The following TH variants were observed in gnomAD, a reference collection of about 807,000 sequenced individuals.
TH encodes tyrosine 3-monooxygenase.
Under a neutral mutation model 57.4 loss-of-function variants are expected in TH, and 49 were observed. The ratio of observed to expected loss-of-function variants is 0.85; its 90% confidence interval spans 0.68 to 1.08. The LOEUF (loss-of-function observed/expected upper bound fraction) is 1.08. TH is among the 50% of genes least tolerant of loss of function. The probability of loss-of-function intolerance (pLI) is 0.00; values close to 1 mark genes in which losing one functional copy is unlikely to be tolerated. For synonymous variants in TH, 330 were observed against 304.5 expected, an observed-to-expected ratio of 1.08 and a Z score of -0.87; for missense variants, 720 against 696.7, an observed-to-expected ratio of 1.03 and a Z score of -0.38.
rs1297590322 is a variant in TH, at chr11:2,164,016, G to C, written c.*217C>G. The C allele has an allele frequency of 2.5e-6, 1 of 408,150 alleles. No homozygotes were observed. The highest frequency in any genetic ancestry group is 3.6e-5 in the East Asian group (1 of 27,780). The allele number at this position is 408,150 out of a possible 1,614,324, so 25.3% of individuals were successfully genotyped here. ...CGGAGGGCAGTGCAGCAGCCCCCAG[G>C]ACCCTGGGAGCCAGGACAGGACCTC... On this transcript the variant is annotated 3_prime_UTR_variant, in exon 13 of 13. Coordinates refer to ENST00000352909, the MANE Select transcript of TH (RefSeq NM_000360.4).
Position 2,170,057 on chromosome 11 carries a change from G to T in TH, c.91-186C>A, listed in dbSNP as rs900396584. On this transcript the variant is annotated intron_variant, in intron 1 of 12. Transcript: ENST00000352909. The surrounding 1 kb of genome is among the most constrained non-coding windows in gnomAD (Gnocchi z 6.0). ...GCCGAGGTGCCTGCGGGCATTGCAC[G>T]CCCTTCCCGATGGGGGCAGCCCAGT... Among the ~76,000 whole-genome samples the T allele has an allele frequency of 1.1e-4, 16 of 152,202 alleles. No individual in the cohort carries two copies. Among genetic ancestry groups the T allele is most frequent in the African/African-American group, 3.9e-4 (16 of 41,456 alleles).
chr11:2,164,880 G>C (rs1846042857), intron 12 of TH, among the ~76,000 whole-genome samples: 1 of 152,022 alleles, frequency 6.6e-6, no homozygotes, highest in African/African-American at 2.4e-5. Flanking sequence ...CTCCCGCCCT[G>C]TCCCCCACCT....
Position 2,166,714 on chromosome 11 carries a change from A to C in TH, c.896T>G (p.Phe299Cys). ...PVAGLLSARD[F>C]LASLAFRVFQ... is the part of the protein sequence containing the mutation. ...CACGCGGAAGGCCAGGCTGGCCAGG[A>C]AGTCCCGGGCGGACAGCAGGCCGGC... The change falls in exon 8 of 13, where the codon TTC becomes TGC. Residue 299 changes from phenylalanine (F) to cysteine (C), a missense_variant. Physicochemically the swap from Phe to Cys is radical, Grantham distance 205. Transcript: ENST00000352909. 6.4e-7 allele frequency: 1 copy of C among 1,552,418 alleles called. No homozygotes were observed. Among genetic ancestry groups the C allele is most frequent in the Non-Finnish European group, 8.7e-7 (1 of 1,148,114 alleles).
Position 2,170,744 on chromosome 11 carries a change from G to T in TH, c.91-873C>A, listed in dbSNP as rs771992434. 1.9e-6 allele frequency: 3 copies of T among 1,597,966 alleles called. No homozygotes were observed. Among genetic ancestry groups the T allele is most frequent in the East Asian group, 4.5e-5 (2 of 44,386 alleles). Reference sequence around the variant, plus strand: ...GGGCTGCAGTTCCAGGCCACGGAGAGCCTGTGAGGCTGGGCCCCGGGGCGC... The same window carrying T: ...GGGCTGCAGTTCCAGGCCACGGAGATCCTGTGAGGCTGGGCCCCGGGGCGC... On this transcript the variant is annotated intron_variant, in intron 1 of 12. Coordinates refer to ENST00000352909, the MANE Select transcript of TH (RefSeq NM_000360.4). The surrounding 1 kb of genome is among the most constrained non-coding windows in gnomAD (Gnocchi z 6.0).
rs1024043441 is a variant in TH, at chr11:2,168,785, T to C, written c.313-120A>G. 10 of 1,223,900 alleles carry C rather than the reference T, an allele frequency of 8.2e-6. No homozygotes were observed. The African/African-American group carries it at 1.2e-4, about 15-fold the overall frequency. 75.8% of individuals were successfully genotyped at this position (1,223,900 alleles called of 1,614,324 possible). A position where few individuals can be genotyped will look rare whatever the true frequency, so the allele number is the denominator to read the frequency against. On this transcript the variant is annotated intron_variant, in intron 2 of 12. Coordinates refer to ENST00000352909, the MANE Select transcript of TH (RefSeq NM_000360.4). ...GCTGGCCAGGCCCTGCCCTTGACTTTTGTGCTAGCAGCACACAGATCCCGT... is the reference window on the plus strand; with the variant it reads ...GCTGGCCAGGCCCTGCCCTTGACTTCTGTGCTAGCAGCACACAGATCCCGT...
At position 2,166,737 on chromosome 11, in the gene TH, G is replaced by A. The variant is rs1176834491; in HGVS notation, c.873C>T (p.Ala291=). The part of the protein sequence containing the change: ...ERTGFQLRPV[A]GLLSARDFLA... ...GGAAGTCCCGGGCGGACAGCAGGCCGGCCACAGGCCGCAGCTGGAAGCCCG... is the reference window on the plus strand; with the variant it reads ...GGAAGTCCCGGGCGGACAGCAGGCCAGCCACAGGCCGCAGCTGGAAGCCCG... The change falls in exon 8 of 13, where the codon GCC becomes GCT. Residue 291 remains alanine (A), a synonymous_variant. Coordinates refer to ENST00000352909, the MANE Select transcript of TH (RefSeq NM_000360.4). 31 of 1,549,792 alleles carry A rather than the reference G, an allele frequency of 2.0e-5. No homozygotes were observed. Among genetic ancestry groups the A allele is most frequent in the Non-Finnish European group, 2.4e-5 (28 of 1,146,820 alleles).
At position 2,167,434 on chromosome 11, in the gene TH, C is replaced by A; in HGVS notation, c.695+1G>T. 6.4e-7 allele frequency: 1 copy of A among 1,561,290 alleles called. No homozygotes were observed. The highest frequency in any genetic ancestry group is 1.9e-5 in the Admixed American group (1 of 52,370). On this transcript the variant is annotated splice_donor_variant, in intron 6 of 12. Coordinates refer to ENST00000352909, the MANE Select transcript of TH (RefSeq NM_000360.4). LOFTEE classifies it high-confidence loss of function. ...AGCCCCTAGCTGCACGGAGGTCTCA[C>A]CAGGTGGCAATCTCCTCGGCGGTGT... is the stretch of plus-strand genomic sequence containing the variant.
chr11:2,164,471 G>T (rs565816803), intron 12 of TH, 79 bp from the exon 13 acceptor site: 8 of 1,499,868 alleles, frequency 5.3e-6, no homozygotes, highest in African/African-American at 1.4e-5. Context: ...GCCAGGGGCC[G>T]CGTTTCCACC....
chr11:2,167,154 TGAAGACCCAGGCCCCC>T (rs2133694175), intron 6 of TH, 122 bp from the exon 7 acceptor site: 1 of 1,425,650 alleles, frequency 7.0e-7, no homozygotes, highest in East Asian at 2.5e-5. Flanking sequence ...TGGGGACCCC[TGAAGACCCAGGCCCCC>T]GGGAGGGGCT....
Position 2,164,404 on chromosome 11 carries a change from A to G in TH, c.1335-12T>C. The stretch of plus-strand genomic sequence containing the variant: ...GTGAGGCATAGCTCCTGGGGAGGAG[A>G]GCGGCAGAGCCCTCGTCAACTGGCG... On this transcript the variant is annotated splice_polypyrimidine_tract_variant and intron_variant, in intron 12 of 12. Transcript: ENST00000352909. 6.5e-7 allele frequency: 1 copy of G among 1,539,740 alleles called. No homozygotes were observed. Among genetic ancestry groups the G allele is most frequent in the East Asian group, 2.4e-5 (1 of 41,478 alleles).
rs1467907646 is a variant in TH at position 2,171,699 on chromosome 11, T to C, written c.88A>G (p.Met30Val). ...ELDAKQAEAI[M>V]SPRFIGRRQS... ...CGGGCACCTACCTGCCCTCTTACCA[T>C]GATGGCCTCTGCCTGCTTGGCGTCC... Residue 30 changes from methionine (M) to valine (V), a missense_variant and splice_region_variant, in exon 1 of 13, where the codon ATG (methionine) becomes GTG (valine). Coordinates refer to ENST00000352909, the MANE Select transcript of TH (RefSeq NM_000360.4). This position sits in a 1 kb window ranked among gnomAD's most constrained non-coding sequence, Gnocchi z 8.6. 1.2e-6 allele frequency: 2 copies of C among 1,612,028 alleles called. No individual in the cohort carries two copies. The highest frequency in any genetic ancestry group is 8.5e-7 in the Non-Finnish European group (1 of 1,179,790).
rs774809996 is a variant in TH at position 2,168,511 on chromosome 11, C to T, written c.467G>A (p.Arg156His). The change falls in exon 3 of 13, where the codon CGC becomes CAC. Residue 156 changes from arginine to histidine, a missense_variant. By Grantham distance (29) the Arg-to-His change is conservative. Coordinates refer to ENST00000352909, the MANE Select transcript of TH (RefSeq NM_000360.4). ...SGVRQVSEDV[R>H]SPAGPKVPWF... Reference sequence around the variant, plus strand: ...CTCACCCTTGGGCCCCGCGGGGCTGCGCACGTCCTCTGACACCTGGCGCAC... The same window carrying T: ...CTCACCCTTGGGCCCCGCGGGGCTGTGCACGTCCTCTGACACCTGGCGCAC... 6.2e-6 allele frequency: 10 copies of T among 1,612,198 alleles called. No homozygotes were observed. Among genetic ancestry groups the T allele is most frequent in the South Asian group, 2.2e-5 (2 of 91,074 alleles).
At chr11:2,169,513 G>A in intron 2 of TH, 137 bp downstream of exon 2, 1 of 814,764 alleles carries the variant, frequency 1.2e-6, no homozygotes, top group South Asian at 1.6e-5. Flanking sequence ...TGAGGCCTGA[G>A]ACTCCCCTGC....
Position 2,164,851 on chromosome 11 carries a change from C to T in TH, c.1334+381G>A, listed in dbSNP as rs564996751. On this transcript the variant is annotated intron_variant, in intron 12 of 12. Coordinates refer to ENST00000352909, the MANE Select transcript of TH (RefSeq NM_000360.4). ...CACTCTGGTCACTGCACCAAAGGCCCCCAGCCCTGGGGACCCCACTCCCGC... is the reference window on the plus strand; with the variant it reads ...CACTCTGGTCACTGCACCAAAGGCCTCCAGCCCTGGGGACCCCACTCCCGC... 3.5e-3 allele frequency among the ~76,000 whole-genome samples: 536 copies of T among 152,238 alleles called. 3 individuals are homozygous for T. The highest frequency in any genetic ancestry group is 8.0e-3 in the Admixed American group (122 of 15,302).
chr11:2,165,334 G>C lies in TH; in HGVS notation c.1232C>G (p.Ala411Gly). Residue 411 changes from alanine to glycine, a missense_variant, in exon 12 of 13, where the codon GCC (alanine) becomes GGC (glycine). By Grantham distance (60) the Ala-to-Gly change is moderately conservative (BLOSUM62 0). Coordinates refer to ENST00000352909, the MANE Select transcript of TH (RefSeq NM_000360.4). The part of the protein sequence containing the change: ...HCLSEEPEIR[A>G]FDPEAAAVQP... ...CACGGCCGCAGCCTCAGGGTCGAAG[G>C]CCCGAATCTCAGGCTCCTCAGACAG... The C allele has an allele frequency of 6.2e-7, 1 of 1,612,128 alleles. No individual in the cohort carries two copies.
intron 12 of TH, 44 bp from the exon 13 acceptor site, chr11:2,164,436 GTC>G: frequency 6.5e-7 from 1 of 1,545,322 alleles, no homozygotes; most frequent in Non-Finnish European, 8.7e-7. Context: ...GGCGGGCAGA[GTC>G]TGCAGCCTCC....
chr11:2,164,263 G>C lies in TH; in HGVS notation c.1464C>G (p.Thr488=). 1 of 1,497,384 alleles carries C rather than the reference G, an allele frequency of 6.7e-7. No individual in the cohort carries two copies. Among genetic ancestry groups the C allele is most frequent in the Non-Finnish European group, 8.9e-7 (1 of 1,121,350 alleles). The allele number at this position is 1,497,384 out of a possible 1,614,324, so 92.8% of individuals were successfully genotyped here. A position where few individuals can be genotyped will look rare whatever the true frequency, so the allele number is the denominator to read the frequency against. The change falls in exon 13 of 13, where the codon ACC becomes ACG. Residue 488 remains threonine (T), a synonymous_variant. Coordinates refer to ENST00000352909, the MANE Select transcript of TH (RefSeq NM_000360.4). ...CAATGGCACTCAGCGCATGGGCAAG[G>C]GTGTCCAGCTCATCCTGGACACCCT... is the stretch of plus-strand genomic sequence containing the variant. ...SLEGVQDELD[T]LAHALSAIG
rs537663285 is a variant in TH, at chr11:2,168,601, G to A, written c.377C>T (p.Pro126Leu). The stretch of plus-strand genomic sequence containing the variant: ...GAGGCGCACGAAGTACTCCAGGTGG[G>A]GGCCCCCAGCTCGCGGCCTCTGGGC... ...RPAQRPRAGG[P>L]HLEYFVRLEV... The change falls in exon 3 of 13, where the codon CCC (proline) becomes CTC (leucine). Residue 126 changes from proline to leucine, a missense_variant. Transcript: ENST00000352909. The A allele has an allele frequency of 2.5e-6, 4 of 1,612,006 alleles. No homozygotes were observed. The South Asian group carries it at 4.4e-5, about 18-fold the overall frequency.
intron 5 of TH, 68 bp downstream of exon 5, chr11:2,167,798 T>A (rs2133695415): frequency 2.1e-4 from 297 of 1,403,774 alleles, no homozygotes; most frequent in Non-Finnish European, 2.6e-4. Context: ...TGTCCTTCCC[T>A]CCCACCCCCC....
Sources: allele counts gnomAD v4.1 joint callset (sites outside exome capture counted in the v4.1 genomes callset), GRCh38; gene constraint gnomAD v4.1.1; non-coding constraint Gnocchi (gnomAD v3.1); transcripts MANE v1.5; gene names NCBI Gene and HGNC (gene_info 2026-07-23, HGNC 2026-07-21).